Variants in ATAD3B observed in about 807,000 individuals in gnomAD.
ATAD3B encodes ATPase family AAA domain-containing protein 3B.
ATAD3B carries 59 observed loss-of-function variants against 70.2 expected under a neutral mutation model. That is an observed-to-expected ratio of 0.84 (90% CI 0.68 to 1.04). The LOEUF (loss-of-function observed/expected upper bound fraction) is 1.04. ATAD3B is among the 50% of genes least tolerant of loss of function. The probability of loss-of-function intolerance (pLI) is 0.00; values close to 1 mark genes in which losing one functional copy is unlikely to be tolerated. For missense variants in ATAD3B, 961 were observed against 913.4 expected, an observed-to-expected ratio of 1.05 and a Z score of -0.67; for synonymous variants, 423 against 388.6, an observed-to-expected ratio of 1.09 and a Z score of -1.04.
At chr1:1,476,191 A>T (rs139247230) in intron 1 of ATAD3B, among the ~76,000 whole-genome samples, 2,579 of 146,340 alleles carry the variant, frequency 0.018, 68 homozygotes, top group African/African-American at 0.031. Context: ...GCGCTTCCTG[A>T]AATGTGACGC....
At position 1,482,254 on chromosome 1, in the gene ATAD3B, A is replaced by G; in HGVS notation, c.631A>G (p.Ile211Val). 3 of 1,611,458 alleles carry G rather than the reference A, an allele frequency of 1.9e-6. No individual in the cohort carries two copies. The highest frequency in any genetic ancestry group is 2.5e-6 in the Non-Finnish European group (3 of 1,179,352). Residue 211 changes from isoleucine to valine, a missense_variant, in exon 6 of 16, where the codon ATC (isoleucine) becomes GTC (valine). By Grantham distance (29) the Ile-to-Val change is conservative. Transcript: ENST00000673477. Reference protein sequence around the residue: ...RENADIIREQIRLKASEHRQT... With the variant: ...RENADIIREQVRLKASEHRQT... ...GAATGCAGACATCATCCGCGAGCAG[A>G]TCCGCCTGAAGGCGTCCGAGCACCG... is the stretch of plus-strand genomic sequence containing the variant.
downstream of ATAD3B, among the ~76,000 whole-genome samples, chr1:1,502,742 G>A (rs1236661433): frequency 6.8e-6 from 1 of 147,570 alleles, no homozygotes; most frequent in African/African-American, 2.5e-5. Flanking sequence ...GAACTCCTGA[G>A]CTCAGGCGAT....
At chr1:1,472,637 C>T (rs1445557897) in intron 1 of ATAD3B, among the ~76,000 whole-genome samples, 1 of 152,080 alleles carries the variant, frequency 6.6e-6, no homozygotes, top group Non-Finnish European at 1.5e-5. Flanking sequence ...AAACCCCTGA[C>T]CCAAGGCCCT....
In ATAD3B at chr1:1,496,067, T is replaced by G; in HGVS notation, c.*250T>G. The G allele has an allele frequency of 8.0e-7, 1 of 1,248,160 alleles. No individual in the cohort carries two copies. The highest frequency in any genetic ancestry group is 1.0e-6 in the Non-Finnish European group (1 of 993,082). 77.3% of individuals were successfully genotyped at this position (1,248,160 alleles called of 1,614,324 possible). ...AGGACTAGACAGAAGTGGGGCGGCC[T>G]GAACCCTGCTTCCAGCCATGGCCAG... is the stretch of plus-strand genomic sequence containing the variant. On this transcript the variant is annotated 3_prime_UTR_variant, in exon 16 of 16. Transcript: ENST00000673477.
intron 15 of ATAD3B, among the ~76,000 whole-genome samples, chr1:1,491,779 G>A (rs1401967486): frequency 6.6e-6 from 1 of 151,930 alleles, no homozygotes; most frequent in African/African-American, 2.4e-5. Context: ...GTACAGGCTG[G>A]GTTATGCCGC....
rs756863050 is a variant in ATAD3B, at chr1:1,482,715, T to C, written c.750+101T>C. 8 of 1,572,880 alleles carry C rather than the reference T, an allele frequency of 5.1e-6. No individual in the cohort carries two copies. In the African/African-American group the frequency reaches 1.1e-4, roughly 21 times the overall value. Reference sequence around the variant, plus strand: ...TGTCCCTGCCGGCTCTGCACAGCCCTGTAGCTCTCCCAGCACAGAGCAAAC... The same window carrying C: ...TGTCCCTGCCGGCTCTGCACAGCCCCGTAGCTCTCCCAGCACAGAGCAAAC... On this transcript the variant is annotated intron_variant, in intron 7 of 15. Coordinates refer to ENST00000673477, the MANE Select transcript of ATAD3B (RefSeq NM_031921.6).
At chr1:1,491,319 G>C (rs569112746) in intron 15 of ATAD3B, among the ~76,000 whole-genome samples, 1 of 151,910 alleles carries the variant, frequency 6.6e-6, no homozygotes, top group African/African-American at 2.4e-5. Flanking sequence ...GCATATCACG[G>C]GGTCAGATTG....
chr1:1,496,106 C>A lies in ATAD3B; in HGVS notation c.*289C>A. The A allele has an allele frequency of 8.5e-7, 1 of 1,173,474 alleles. No individual in the cohort carries two copies. Among genetic ancestry groups the A allele is most frequent in the Non-Finnish European group, 1.1e-6 (1 of 947,166 alleles). The allele number at this position is 1,173,474 out of a possible 1,614,324, so 72.7% of individuals were successfully genotyped here. On this transcript the variant is annotated 3_prime_UTR_variant, in exon 16 of 16. Coordinates refer to ENST00000673477, the MANE Select transcript of ATAD3B (RefSeq NM_031921.6). The stretch of plus-strand genomic sequence containing the variant: ...AGCCATGGCCAGGGGCCACGGAACC[C>A]GGCAGGGGTGTCTGAGGCCGCCCTG...
intron 13 of ATAD3B, chr1:1,489,509 C>T: frequency 3.0e-6 from 3 of 985,754 alleles, no homozygotes; most frequent in Non-Finnish European, 4.4e-6. Context: ...GCCCTGTGCG[C>T]CGCCGCCCCA....
intron 8 of ATAD3B, 99 bp downstream of exon 8, chr1:1,485,270 T>C: frequency 6.6e-7 from 1 of 1,521,508 alleles, no homozygotes; most frequent in Admixed American, 2.0e-5. Context: ...CCCTTCCCTT[T>C]CCCCGGATAA....
intron 15 of ATAD3B, among the ~76,000 whole-genome samples, chr1:1,493,890 G>T (rs551832585): frequency 3.9e-5 from 6 of 151,964 alleles, no homozygotes; most frequent in African/African-American, 1.4e-4. Context: ...TTTCTCTTGT[G>T]GTGTGTTTGT....
In ATAD3B at chr1:1,485,040, G is replaced by T; in HGVS notation, c.775G>T (p.Val259Phe). ...GGTGGCTGGGCTGACGCTGCTGGCTGTCGGGGTCTACTCAGCCAAGAATGC... is the reference window on the plus strand; with the variant it reads ...GGTGGCTGGGCTGACGCTGCTGGCTTTCGGGGTCTACTCAGCCAAGAATGC... The part of the protein sequence containing the change: ...ATVAGLTLLA[V>F]GVYSAKNATA... Residue 259 changes from valine (V) to phenylalanine (F), a missense_variant, in exon 8 of 16, where the codon GTC becomes TTC. Val to Phe is a conservative substitution (Grantham distance 50). Around this residue, in one of 4 missense-constraint regions of ATAD3B, gnomAD observed 349 missense variants for 307.5 expected, o/e 1.14. Transcript: ENST00000673477. 3 of 1,603,916 alleles carry T rather than the reference G, an allele frequency of 1.9e-6. No individual in the cohort carries two copies. In the South Asian group the frequency reaches 3.3e-5, roughly 18 times the overall value.
rs1382616327 is a variant in ATAD3B at position 1,480,536 on chromosome 1, G to GT, written c.445-328dup. ...CTGTTGTGGGCATTGTAGCTTTAAC[G>GT]TTTAATTGGCGGAAGACAGAAGCTT... On this transcript the variant is annotated intron_variant, in intron 4 of 15. Coordinates refer to ENST00000673477, the MANE Select transcript of ATAD3B (RefSeq NM_031921.6). Among the ~76,000 whole-genome samples, 12 of 147,622 alleles carry GT rather than the reference G, an allele frequency of 8.1e-5. 2 individuals carry two copies. Among genetic ancestry groups the GT allele is most frequent in the African/African-American group, 2.8e-4 (11 of 39,516 alleles).
intron 15 of ATAD3B, among the ~76,000 whole-genome samples, chr1:1,494,969 C>A (rs1640707966): frequency 6.6e-6 from 1 of 152,044 alleles, no homozygotes; most frequent in Admixed American, 6.6e-5. Context: ...GGCCACAGCC[C>A]CAGTAGCTCC....
the ATAD3B span, among the ~76,000 whole-genome samples, chr1:1,502,873 A>T: frequency 6.6e-6 from 1 of 151,358 alleles, no homozygotes; most frequent in African/African-American, 2.4e-5. Context: ...TGGGATTTTC[A>T]TTATCCTTTG....
intron 11 of ATAD3B, among the ~76,000 whole-genome samples, chr1:1,487,322 A>C (rs933408374): frequency 6.6e-6 from 1 of 151,768 alleles, no homozygotes; most frequent in Non-Finnish European, 1.5e-5. Context: ...CCCCGTCTCT[A>C]CTAAAAATAC....
rs1429536964 is a variant in ATAD3B, at chr1:1,485,856, G to A, written c.963+18G>A. ...TGCTTAGTGTAAGTCGGTGTGCCTG[G>A]GACCGGGGAGGTGCAGGGAGGGGAC... is the stretch of plus-strand genomic sequence containing the variant. On this transcript the variant is annotated intron_variant, in intron 9 of 15. Coordinates refer to ENST00000673477, the MANE Select transcript of ATAD3B (RefSeq NM_031921.6). The A allele has an allele frequency of 1.6e-5, 26 of 1,612,886 alleles. 1 individual carries two copies. The highest frequency in any genetic ancestry group is 2.1e-5 in the Non-Finnish European group (25 of 1,179,540).
Position 1,496,162 on chromosome 1 carries a change from G to A in ATAD3B, c.*345G>A. 1 of 1,073,510 alleles carries A rather than the reference G, an allele frequency of 9.3e-7. No homozygotes were observed. The highest frequency in any genetic ancestry group is 1.1e-6 in the Non-Finnish European group (1 of 885,600). 66.5% of individuals were successfully genotyped at this position (1,073,510 alleles called of 1,614,324 possible). A position where few individuals can be genotyped will look rare whatever the true frequency, so the allele number is the denominator to read the frequency against. ...TGGCCGGTCCAAGCCTGTGGCTGGA[G>A]CTGGTGTGTGTTTATCTAATAAAGT... On this transcript the variant is annotated 3_prime_UTR_variant, in exon 16 of 16. Coordinates refer to ENST00000673477, the MANE Select transcript of ATAD3B (RefSeq NM_031921.6).
At chr1:1,509,245 C>A in the ATAD3B span, 55 of 1,612,992 alleles carry the variant, frequency 3.4e-5, no homozygotes, top group South Asian at 3.6e-4. Context: ...CTGACCGAGG[C>A]CATGATGGAC....
Sources: gnomAD v4.1 joint callset for allele counts (sites outside exome capture counted in the v4.1 genomes callset) on GRCh38, gnomAD v4.1.1 for gene constraint, gnomAD v4.1.1 regional missense constraint, MANE v1.5 for transcripts, NCBI Gene and HGNC (gene_info 2026-07-23, HGNC 2026-07-21) for gene names.